The following PLPPR1 variants were observed in gnomAD, a reference collection of about 807,000 sequenced individuals.
PLPPR1 encodes phospholipid phosphatase related 1.
PLPPR1 carries 10 observed loss-of-function variants against 33.1 expected under a neutral mutation model. The observed-to-expected ratio is 0.30, with a 90% CI of 0.19 to 0.51. The LOEUF is 0.51. PLPPR1 is among the 20% of genes least tolerant of loss of function. The probability of loss-of-function intolerance (pLI) is 0.97; values close to 1 mark genes in which losing one functional copy is unlikely to be tolerated. For missense variants in PLPPR1, 304 were observed against 408.1 expected (o/e 0.74, Z 2.20); for synonymous variants, 151 against 151.0 (o/e 1.00, Z 0.00).
intron 1 of PLPPR1, among the ~76,000 whole-genome samples, chr9:101,128,094 AT>A (rs1415421673): frequency 1.3e-5 from 2 of 152,120 alleles, no homozygotes; most frequent in Non-Finnish European, 2.9e-5. Flanking sequence ...CACTATGAGA[AT>A]TGTGCTTATT....
At chr9:101,145,556 GT>G (rs1831510270) in intron 1 of PLPPR1, among the ~76,000 whole-genome samples, 1 of 151,726 alleles carries the variant, frequency 6.6e-6, no homozygotes, top group Non-Finnish European at 1.5e-5. Flanking sequence ...TAATTTTTGT[GT>G]TTTTAGTAGA....
intron 1 of PLPPR1, among the ~76,000 whole-genome samples, chr9:101,178,107 G>A (rs1242636489): frequency 2.0e-5 from 3 of 152,350 alleles, no homozygotes; most frequent in East Asian, 3.9e-4. Context: ...AGCAGAGGAG[G>A]ATTTTAATGA....
chr9:101,127,871 G>A (rs1831265439), intron 1 of PLPPR1, among the ~76,000 whole-genome samples: 2 of 152,212 alleles, frequency 1.3e-5, no homozygotes, highest in Middle Eastern at 3.4e-3. Flanking sequence ...GAAGGGGTGG[G>A]GTAAATGAGG....
intron 2 of PLPPR1, among the ~76,000 whole-genome samples, chr9:101,248,752 A>G (rs905335131): frequency 4.6e-5 from 7 of 152,074 alleles, no homozygotes; most frequent in Admixed American, 2.6e-4. Context: ...CAATTTAGAG[A>G]AAACAACGAA....
At chr9:101,155,003 G>A (rs1210378545) in intron 1 of PLPPR1, among the ~76,000 whole-genome samples, 3 of 151,174 alleles carry the variant, frequency 2.0e-5, no homozygotes, top group Non-Finnish European at 4.4e-5. Flanking sequence ...GGAGATATAC[G>A]TAATGTAAAT....
In PLPPR1 at chr9:101,206,014, G is replaced by T. The variant is rs533031432; in HGVS notation, c.63+20457G>T. Among the ~76,000 whole-genome samples the T allele has an allele frequency of 3.9e-5, 6 of 152,290 alleles. No homozygotes were observed. In the East Asian group the frequency reaches 1.2e-3, roughly 29 times the overall value. ...GGGAAGAGGGTAAGACAGTCATGAG[G>T]GTGGGGAGAGTGTGCCCACAAATTA... is the stretch of plus-strand genomic sequence containing the variant. On this transcript the variant is annotated intron_variant, in intron 2 of 7. Coordinates refer to ENST00000374874, the MANE Select transcript of PLPPR1 (RefSeq NM_207299.2).
intron 2 of PLPPR1, among the ~76,000 whole-genome samples, chr9:101,250,408 A>G (rs1827694567): frequency 6.6e-6 from 1 of 152,082 alleles, no homozygotes; most frequent in Non-Finnish European, 1.5e-5. Context: ...ACCCGCAATC[A>G]GCAAAATCCA....
intron 2 of PLPPR1, among the ~76,000 whole-genome samples, chr9:101,218,279 T>C (rs1470569677): frequency 6.6e-6 from 1 of 152,152 alleles, no homozygotes; most frequent in Non-Finnish European, 1.5e-5. Flanking sequence ...GAATAAGCAA[T>C]AAAGTCTGTC....
At chr9:101,161,018 A>G (rs1389020933) in intron 1 of PLPPR1, among the ~76,000 whole-genome samples, 2 of 152,312 alleles carry the variant, frequency 1.3e-5, no homozygotes, top group Non-Finnish European at 2.9e-5. Flanking sequence ...AATGAATAGC[A>G]TTAAACCGCT....
intron 1 of PLPPR1, among the ~76,000 whole-genome samples, chr9:101,055,979 T>C (rs1329846132): frequency 1.3e-5 from 2 of 152,244 alleles, no homozygotes; most frequent in Non-Finnish European, 2.9e-5. Flanking sequence ...GTTTCTACTT[T>C]ATGCAAGTTA....
chr9:101,177,231 A>T (rs1297169975), intron 1 of PLPPR1, among the ~76,000 whole-genome samples: 1 of 152,188 alleles, frequency 6.6e-6, no homozygotes, highest in Non-Finnish European at 1.5e-5. Context: ...AATACTAATT[A>T]TTCCAATCCA....
intron 2 of PLPPR1, among the ~76,000 whole-genome samples, chr9:101,248,639 G>A (rs780847348): frequency 3.9e-5 from 6 of 152,050 alleles, no homozygotes; most frequent in Non-Finnish European, 5.9e-5. Flanking sequence ...TACGAATCAG[G>A]AGATTATGAG....
intron 1 of PLPPR1, among the ~76,000 whole-genome samples, chr9:101,137,142 A>G (rs1377029480): frequency 6.6e-6 from 1 of 152,222 alleles, no homozygotes; most frequent in South Asian, 2.1e-4. Context: ...AAAATTAAAA[A>G]TGAAAAAGAT....
intron 1 of PLPPR1, among the ~76,000 whole-genome samples, chr9:101,077,713 A>G (rs893485411): frequency 4.6e-5 from 7 of 152,092 alleles, no homozygotes; most frequent in Non-Finnish European, 8.8e-5. Context: ...AAAGACCTTC[A>G]GAGTCATCCC....
At chr9:101,287,515 T>C (rs1227741526) in intron 4 of PLPPR1, among the ~76,000 whole-genome samples, 2 of 152,320 alleles carry the variant, frequency 1.3e-5, no homozygotes, top group Non-Finnish European at 2.9e-5. Context: ...TTTTATTTTA[T>C]TTTTTAGACA....
chr9:101,263,015 C>A (rs925266093), intron 2 of PLPPR1, among the ~76,000 whole-genome samples: 11 of 151,902 alleles, frequency 7.2e-5, no homozygotes, highest in African/African-American at 2.7e-4. Flanking sequence ...TGGGTAGGGG[C>A]CTGGGGGAGG....
At chr9:101,211,555 A>G (rs1208342011) in intron 2 of PLPPR1, among the ~76,000 whole-genome samples, 1 of 152,136 alleles carries the variant, frequency 6.6e-6, no homozygotes, top group Non-Finnish European at 1.5e-5. Flanking sequence ...TATTCTATAA[A>G]TGAGCTAATT....
intron 2 of PLPPR1, among the ~76,000 whole-genome samples, chr9:101,267,783 T>C (rs1367042120): frequency 6.6e-6 from 1 of 152,158 alleles, no homozygotes; most frequent in Non-Finnish European, 1.5e-5. Flanking sequence ...GGGTGGATCA[T>C]TTGAATTAAG....
At chr9:101,293,969 GAAAC>G (rs1408612791) in intron 4 of PLPPR1, among the ~76,000 whole-genome samples, 2 of 152,062 alleles carry the variant, frequency 1.3e-5, no homozygotes, top group African/African-American at 4.8e-5. Context: ...AGAACTGAAG[GAAAC>G]AGAGACACAA....
Sources: gnomAD v4.1 joint callset for allele counts (sites outside exome capture counted in the v4.1 genomes callset) on GRCh38, gnomAD v4.1.1 for gene constraint, MANE v1.5 for transcripts, NCBI Gene and HGNC (gene_info 2026-07-23, HGNC 2026-07-21) for gene names.